The following ZCWPW2 variants were observed in gnomAD, a reference collection of about 807,000 sequenced individuals.
ZCWPW2 encodes the protein zinc finger CW-type PWWP domain protein 2.
In ZCWPW2, 45 loss-of-function variants were observed where a neutral mutation model predicts 46.6. That is an observed-to-expected ratio of 0.96 (90% CI 0.76 to 1.24). The LOEUF is 1.24. Among genes scored for constraint, ZCWPW2 ranks in the 50% most tolerant of loss-of-function variants. The pLI is 0.00. For synonymous variants in ZCWPW2, 152 were observed against 137.1 expected (o/e 1.11, Z -0.76); for missense variants, 429 against 403.9 (o/e 1.06, Z -0.53).
intron 4 of ZCWPW2, among the ~76,000 whole-genome samples, chr3:28,470,822 T>G (rs1174054037): frequency 6.6e-6 from 1 of 151,832 alleles, no homozygotes; most frequent in African/African-American, 2.4e-5. Flanking sequence ...ACAAAACAAT[T>G]TTTTTTGAAA....
intron 1 of ZCWPW2, among the ~76,000 whole-genome samples, chr3:28,388,601 T>C (rs954509506): frequency 6.6e-6 from 1 of 152,176 alleles, no homozygotes; most frequent in Non-Finnish European, 1.5e-5. Flanking sequence ...TACAAGATAA[T>C]GGGATATTAG....
intron 4 of ZCWPW2, among the ~76,000 whole-genome samples, chr3:28,458,383 G>A (rs1575158855): frequency 6.6e-6 from 1 of 152,096 alleles, no homozygotes; most frequent in South Asian, 2.1e-4. Flanking sequence ...AAAATATTAG[G>A]TTCATTAAAT....
chr3:28,391,681 T>C (rs1335516681), intron 2 of ZCWPW2, among the ~76,000 whole-genome samples: 1 of 152,244 alleles, frequency 6.6e-6, no homozygotes, highest in Non-Finnish European at 1.5e-5. Context: ...TTTGTCAGCA[T>C]GACCTCTAAT....
intron 6 of ZCWPW2, among the ~76,000 whole-genome samples, chr3:28,506,819 C>A (rs1196375074): frequency 1.3e-5 from 2 of 151,994 alleles, no homozygotes; most frequent in African/African-American, 4.8e-5. Context: ...CGGTCATATG[C>A]TATAAACAAA....
intron 8 of ZCWPW2, among the ~76,000 whole-genome samples, chr3:28,519,442 T>C (rs60301300): frequency 6.6e-6 from 1 of 152,338 alleles, no homozygotes; most frequent in African/African-American, 2.4e-5. Context: ...ACTTGTGTTA[T>C]GAAAAATATA....
intron 6 of ZCWPW2, among the ~76,000 whole-genome samples, chr3:28,498,593 A>T (rs951134373): frequency 6.6e-6 from 1 of 152,054 alleles, no homozygotes; most frequent in South Asian, 2.1e-4. Flanking sequence ...AGAAAATTTT[A>T]AATTCTCAGA....
chr3:28,489,666 GCGCACACACA>G (rs1309374440), intron 5 of ZCWPW2, among the ~76,000 whole-genome samples: 2,804 of 147,490 alleles, frequency 0.019, 45 homozygotes, highest in Non-Finnish European at 0.026. Context: ...ACACACACGC[GCGCACACACA>G]CACACACACA....
intron 1 of ZCWPW2, among the ~76,000 whole-genome samples, chr3:28,382,221 T>C (rs571182620): frequency 4.8e-4 from 72 of 151,476 alleles, no homozygotes; most frequent in African/African-American, 1.6e-3. Context: ...GCTAGAAGCC[T>C]GAGATCAAGT....
At chr3:28,420,076 A>T (rs533172491) in intron 3 of ZCWPW2, among the ~76,000 whole-genome samples, 11 of 87,192 alleles carry the variant, frequency 1.3e-4, no homozygotes, top group East Asian at 8.6e-4. Context: ...AAGTATAATT[A>T]AAAAAAAAAA....
rs1704419206 is a variant in ZCWPW2 at position 28,349,153 on chromosome 3, G to A, written c.-184G>A. 9.1e-6 allele frequency: 9 copies of A among 985,636 alleles called. No homozygotes were observed. The highest frequency in any genetic ancestry group is 4.7e-5 in the South Asian group (1 of 21,298). The allele number at this position is 985,636 out of a possible 1,614,324, so 61.1% of individuals were successfully genotyped here. Reference sequence around the variant, plus strand: ...ACATGTCCCGTGAGCCTCCGCGGCGGGACGGGGCGGGGCCGCGGGACGCCA... The same window carrying A: ...ACATGTCCCGTGAGCCTCCGCGGCGAGACGGGGCGGGGCCGCGGGACGCCA... On this transcript the variant is annotated 5_prime_UTR_variant, in exon 1 of 10. Transcript: ENST00000383768.
rs765011518 is a variant in ZCWPW2, at chr3:28,524,676, G to A, written c.1059G>A (p.Met353Ile). The change falls in exon 10 of 10, where the codon ATG becomes ATA. Residue 353 changes from methionine to isoleucine, a missense_variant. Physicochemically the swap from Met to Ile is conservative, Grantham distance 10. Transcript: ENST00000383768. Reference protein sequence around the residue: ...TNKFKEIDALMSEF With the variant: ...TNKFKEIDALISEF Reference sequence around the variant, plus strand: ...AATTTAAAGAAATAGATGCTTTGATGTCTGAGTTTTAGAACATTATACATT... The same window carrying A: ...AATTTAAAGAAATAGATGCTTTGATATCTGAGTTTTAGAACATTATACATT... The A allele has an allele frequency of 4.5e-5, 70 of 1,543,742 alleles. 1 individual carries two copies. In the South Asian group the frequency reaches 6.2e-4, roughly 14 times the overall value.
chr3:28,383,376 T>A (rs1695165238), intron 1 of ZCWPW2, among the ~76,000 whole-genome samples: 1 of 152,070 alleles, frequency 6.6e-6, no homozygotes, highest in South Asian at 2.1e-4. Flanking sequence ...TTGGATTACA[T>A]TTCTTGTTAT....
chr3:28,431,298 C>A (rs1697248010), intron 3 of ZCWPW2, among the ~76,000 whole-genome samples: 1 of 152,098 alleles, frequency 6.6e-6, no homozygotes, highest in Non-Finnish European at 1.5e-5. Flanking sequence ...GCTAGGGCTG[C>A]CATAACAAAA....
intron 6 of ZCWPW2, among the ~76,000 whole-genome samples, chr3:28,499,264 A>G (rs1476107089): frequency 2.0e-5 from 3 of 152,106 alleles, no homozygotes; most frequent in Non-Finnish European, 4.4e-5. Flanking sequence ...ACTCCCACCA[A>G]CAGTGTAAAA....
chr3:28,466,726 G>A (rs554494853), intron 4 of ZCWPW2, among the ~76,000 whole-genome samples: 8 of 152,234 alleles, frequency 5.3e-5, no homozygotes, highest in Non-Finnish European at 1.0e-4. Context: ...TTGAACCCAG[G>A]AGGTGGAAGT....
In ZCWPW2 at chr3:28,354,200, A is replaced by G. The variant is rs184225785; in HGVS notation, c.-134+4997A>G. Reference sequence around the variant, plus strand: ...CACCACCGATCCCACAGAGATACAAACTATCATCAGAGAATATTATAAACA... The same window carrying G: ...CACCACCGATCCCACAGAGATACAAGCTATCATCAGAGAATATTATAAACA... On this transcript the variant is annotated intron_variant, in intron 1 of 9. Transcript: ENST00000383768. Among the ~76,000 whole-genome samples, 413 of 152,248 alleles carry G rather than the reference A, an allele frequency of 2.7e-3. 2 individuals carry two copies. The highest frequency in any genetic ancestry group is 4.4e-3 in the Admixed American group (67 of 15,274).
At chr3:28,441,024 G>C (rs1031527932) in intron 4 of ZCWPW2, among the ~76,000 whole-genome samples, 3 of 152,164 alleles carry the variant, frequency 2.0e-5, no homozygotes, top group African/African-American at 7.2e-5. Context: ...TTGGTGAGTG[G>C]AAGTTGATGT....
chr3:28,450,027 C>G (rs138917858), intron 4 of ZCWPW2, among the ~76,000 whole-genome samples: 1 of 152,292 alleles, frequency 6.6e-6, no homozygotes, highest in East Asian at 1.9e-4. Context: ...ACAGAAATGT[C>G]TGAGCCTCAC....
rs71091004 is a variant in ZCWPW2 at position 28,518,205 on chromosome 3, C to CT, written c.784+2599dup. 9.2e-3 allele frequency among the ~76,000 whole-genome samples: 1,189 copies of CT among 129,854 alleles called. 6 individuals carry two copies. Among genetic ancestry groups the CT allele is most frequent in the African/African-American group, 0.027 (947 of 35,244 alleles). 85.2% of individuals were successfully genotyped at this position (129,854 alleles called of 152,430 possible). On this transcript the variant is annotated intron_variant, in intron 8 of 9. Coordinates refer to ENST00000383768, the MANE Select transcript of ZCWPW2 (RefSeq NM_001040432.4). ...CAGATACATATTTTTTCTTTCATTT[C>CT]TTTTTTTTTTTTTTTAACTTTCTCT...
Sources: gnomAD v4.1 joint callset for allele counts (sites outside exome capture counted in the v4.1 genomes callset) on GRCh38, gnomAD v4.1.1 for gene constraint, MANE v1.5 for transcripts, NCBI Gene and HGNC (gene_info 2026-07-23, HGNC 2026-07-21) for gene names.